The following SCO2 variants were observed in gnomAD, a reference collection of about 807,000 sequenced individuals.
SCO2 encodes the protein synthesis of cytochrome C oxidase 2.
For synonymous variants in SCO2, 195 were observed against 148.6 expected (o/e 1.31, Z -2.27); for missense variants, 429 against 348.7 (o/e 1.23, Z -1.83).
chr22:50,524,510 C>A (rs747217441), intron 1 of SCO2, 86 bp from the exon 2 acceptor site: 1 of 1,252,142 alleles, frequency 8.0e-7, no homozygotes, highest in Non-Finnish European at 1.1e-6. Flanking sequence ...ACCAGCCACC[C>A]ATCTGAAGGA....
chr22:50,523,635 C>T lies in SCO2; in HGVS notation c.777G>A (p.Ala259=), dbSNP rs375632322. ...CTCAAGACAGGACACTGCGGAAAGC[C>T]GCCATGTGCCGCCGCACACTGTCTG... ...QISDSVRRHM[A]AFRSVLS The change falls in exon 2 of 2, where the codon GCG becomes GCA. Residue 259 remains alanine (A), a synonymous_variant. Coordinates refer to ENST00000395693, the MANE Select transcript of SCO2 (RefSeq NM_005138.3). 59 of 1,613,732 alleles carry T rather than the reference C, an allele frequency of 3.7e-5. No homozygotes were observed. The highest frequency in any genetic ancestry group is 3.4e-4 in the Middle Eastern group (2 of 5,928).
chr22:50,524,743 A>C (rs1226012359), intron 1 of SCO2: 7 of 528,212 alleles, frequency 1.3e-5, no homozygotes, highest in East Asian at 9.5e-5. Context: ...TGAACTAACC[A>C]CGTTATCTAT....
At position 50,524,340 on chromosome 22, in the gene SCO2, C is replaced by T. The variant is rs1334816169; in HGVS notation, c.72G>A (p.Gly24=). 9 of 1,601,876 alleles carry T rather than the reference C, an allele frequency of 5.6e-6. No individual in the cohort carries two copies. The highest frequency in any genetic ancestry group is 1.3e-5 in the African/African-American group (1 of 75,030). The change falls in exon 2 of 2, where the codon GGG becomes GGA. Residue 24 remains glycine, a synonymous_variant. Coordinates refer to ENST00000395693, the MANE Select transcript of SCO2 (RefSeq NM_005138.3). ...LSQLKPRVLP[G]TLGGQALHLR... ...GATGCAGGGCCTGGCCTCCCAGGGT[C>T]CCAGGGAGGACCCGAGGCTTGAGCT...
chr22:50,525,711 C>T (rs2069322151), upstream of SCO2: 1 of 1,578,324 alleles, frequency 6.3e-7, no homozygotes, highest in Middle Eastern at 1.8e-4. Flanking sequence ...CCCGCCTCCG[C>T]AGCCCTGGAT....
In SCO2 at chr22:50,525,579, A is replaced by G. The variant is rs964382364; in HGVS notation, c.-121T>C. 22 of 847,280 alleles carry G rather than the reference A, an allele frequency of 2.6e-5. No individual in the cohort carries two copies. In the African/African-American group the frequency reaches 3.2e-4, roughly 12 times the overall value. 52.5% of individuals were successfully genotyped at this position (847,280 alleles called of 1,614,324 possible). A position where few individuals can be genotyped will look rare whatever the true frequency, so the allele number is the denominator to read the frequency against. ...CAGGGAAAGCGGGCGCCACACGCTC[A>G]CAGGCAGGGCGCAGGCGTCCCCGGA... On this transcript the variant is annotated 5_prime_UTR_variant, in exon 1 of 2. Transcript: ENST00000395693.
In SCO2 at chr22:50,524,109, C is replaced by G. The variant is rs141551295; in HGVS notation, c.303G>C (p.Gln101His). ...TEALRQAAVG[Q>H]GDFHLLDHRG... ...TGTGATCCAGCAGGTGGAAGTCGCCCTGGCCCACAGCTGCCTGGCGCAGGG... is the reference window on the plus strand; with the variant it reads ...TGTGATCCAGCAGGTGGAAGTCGCCGTGGCCCACAGCTGCCTGGCGCAGGG... The change falls in exon 2 of 2, where the codon CAG (glutamine) becomes CAC (histidine). Residue 101 changes from glutamine (Q) to histidine (H), a missense_variant. Physicochemically the swap from Gln to His is conservative, Grantham distance 24. Coordinates refer to ENST00000395693, the MANE Select transcript of SCO2 (RefSeq NM_005138.3). 2.0e-4 allele frequency: 320 copies of G among 1,612,832 alleles called. No homozygotes were observed. Among genetic ancestry groups the G allele is most frequent in the Non-Finnish European group, 2.6e-4 (302 of 1,180,034 alleles).
At chr22:50,525,640 G>T (rs926053190), upstream of SCO2, 217 of 1,369,896 alleles carry the variant, frequency 1.6e-4, 1 homozygote, top group African/African-American at 2.9e-3. Flanking sequence ...CCGCTGACAG[G>T]CTCTCAGCGC....
At position 50,524,205 on chromosome 22, in the gene SCO2, A is replaced by G; in HGVS notation, c.207T>C (p.Ala69=). The G allele has an allele frequency of 1.2e-6, 2 of 1,608,306 alleles. No homozygotes were observed. The highest frequency in any genetic ancestry group is 8.5e-7 in the Non-Finnish European group (1 of 1,179,882). Residue 69 remains alanine, a synonymous_variant, in exon 2 of 2, where the codon GCT becomes GCC. Transcript: ENST00000395693. ...TRLLITGLFG[A]GLGGAWLALR... is the part of the protein sequence containing the mutation. The stretch of plus-strand genomic sequence containing the variant: ...GGGCCAGCCAGGCCCCACCGAGTCC[A>G]GCCCCGAACAGGCCTGTGATCAGCA...
intron 1 of SCO2, chr22:50,524,806 C>G (rs1276926140): frequency 2.6e-6 from 1 of 386,666 alleles, no homozygotes; most frequent in Non-Finnish European, 5.2e-6. Flanking sequence ...GGCTTGCAAT[C>G]CCCGAGAGCA....
In SCO2 at chr22:50,523,636, G is replaced by A. The variant is rs8139305; in HGVS notation, c.776C>T (p.Ala259Val). ...TCAAGACAGGACACTGCGGAAAGCC[G>A]CCATGTGCCGCCGCACACTGTCTGA... is the stretch of plus-strand genomic sequence containing the variant. ...QISDSVRRHM[A>V]AFRSVLS The change falls in exon 2 of 2, where the codon GCG becomes GTG. Residue 259 changes from alanine to valine, a missense_variant. Ala to Val is a moderately conservative substitution (Grantham distance 64). Coordinates refer to ENST00000395693, the MANE Select transcript of SCO2 (RefSeq NM_005138.3). The A allele has an allele frequency of 1.6e-3, 2,638 of 1,613,760 alleles. 35 individuals are homozygous for A. The African/African-American group carries it at 0.031, about 19-fold the overall frequency.
chr22:50,526,084 G>T (rs2069353068), upstream of SCO2: 6 of 1,485,830 alleles, frequency 4.0e-6, no homozygotes, highest in Non-Finnish European at 4.4e-6. Context: ...GCTGCGCCCG[G>T]CCCCGAGCTC....
chr22:50,524,578 C>T (rs1165189645), intron 1 of SCO2, 154 bp from the exon 2 acceptor site: 11 of 742,874 alleles, frequency 1.5e-5, no homozygotes, highest in Non-Finnish European at 2.4e-5. Context: ...GCTCAGAACT[C>T]CACCTCCACC....
upstream of SCO2, chr22:50,525,915 G>A (rs770439368): frequency 2.0e-5 from 31 of 1,529,250 alleles, no homozygotes; most frequent in Middle Eastern, 2.1e-4. Context: ...GAGCCAGGGG[G>A]TCCCTGCAGA....
chr22:50,526,358 C>T, upstream of SCO2: 1 of 1,548,050 alleles, frequency 6.5e-7, no homozygotes, highest in Non-Finnish European at 8.6e-7. Flanking sequence ...CCACGCCCTG[C>T]GCCGCCAGCA....
upstream of SCO2, chr22:50,526,156 G>A (rs778417597): frequency 2.0e-6 from 3 of 1,474,858 alleles, no homozygotes; most frequent in Middle Eastern, 2.0e-4. Flanking sequence ...GGGGAGAGGG[G>A]CTGAGAGGCG....
chr22:50,523,568 T>C lies in SCO2; in HGVS notation c.*43A>G, dbSNP rs1283409806. ...GGTACAGATCACACACACACACAGA[T>C]TAAACGCAGCCCGTTTAATGATGGG... On this transcript the variant is annotated 3_prime_UTR_variant, in exon 2 of 2. Transcript: ENST00000395693. The C allele has an allele frequency of 1.9e-6, 3 of 1,604,436 alleles. No individual in the cohort carries two copies. In the Admixed American group the frequency reaches 5.1e-5, roughly 27 times the overall value.
rs974493227 is a variant in SCO2 at position 50,525,482 on chromosome 22, G to A, written c.-24C>T. ...CCCCGGCGTCCGCACCTCGCGGCGG[G>A]GCCGCGCGTCAGTGGACCAAGCACG... On this transcript the variant is annotated 5_prime_UTR_variant, in exon 1 of 2. Transcript: ENST00000395693. The A allele has an allele frequency of 1.0e-5, 5 of 488,628 alleles. No homozygotes were observed. Among genetic ancestry groups the A allele is most frequent in the Non-Finnish European group, 1.5e-5 (4 of 275,402 alleles). 30.3% of individuals were successfully genotyped at this position (488,628 alleles called of 1,614,324 possible).
At chr22:50,525,846 G>A (rs879487512), upstream of SCO2, 3 of 1,605,970 alleles carry the variant, frequency 1.9e-6, no homozygotes, top group Non-Finnish European at 1.7e-6. Context: ...GAGTACGAGC[G>A]CCTCCTGCAG....
At chr22:50,525,951 G>C (rs1426570081), upstream of SCO2, 2 of 1,413,136 alleles carry the variant, frequency 1.4e-6, no homozygotes, top group Non-Finnish European at 1.8e-6. Flanking sequence ...AGGCCGCGCG[G>C]CCGGAGCTGG....
Sources: allele counts gnomAD v4.1 joint callset, GRCh38; gene constraint gnomAD v4.1.1; transcripts MANE v1.5; gene names NCBI Gene and HGNC (gene_info 2026-07-23, HGNC 2026-07-21).